Variants in RNF2 observed in about 807,000 individuals in gnomAD.
RNF2 encodes the protein ring finger protein 2.
In RNF2, 6 loss-of-function variants were observed where a neutral mutation model predicts 37.2. The ratio of observed to expected loss-of-function variants is 0.16; its 90% CI spans 0.09 to 0.32. The LOEUF (loss-of-function observed/expected upper bound fraction) is 0.32. Among genes scored for constraint, RNF2 ranks in the 10% least tolerant of loss-of-function variants. The pLI is 1.00. For missense variants in RNF2, 251 were observed against 404.0 expected (o/e 0.62, Z 3.25); for synonymous variants, 133 against 132.7 (o/e 1.00, Z -0.02).
At chr1:185,092,427 G>A (rs900294053) in intron 3 of RNF2, among the ~76,000 whole-genome samples, 2 of 151,890 alleles carry the variant, frequency 1.3e-5, no homozygotes, top group Admixed American at 6.6e-5. Context: ...CACCCGCCTC[G>A]GCCTCCCAAA....
rs114477763 is a variant in RNF2, at chr1:185,088,703, A to C, written c.87+1063A>C. Among the ~76,000 whole-genome samples, 599 of 152,368 alleles carry C rather than the reference A, an allele frequency of 3.9e-3. 4 individuals are homozygous for C. The highest frequency in any genetic ancestry group is 0.013 in the African/African-American group (559 of 41,586). The stretch of plus-strand genomic sequence containing the variant: ...GCCCTCCACATACATGGGGTTCTGC[A>C]TCTGTGGATTCAAGCAACCACAACT... On this transcript the variant is annotated intron_variant, in intron 2 of 6. Transcript: ENST00000367510.
At chr1:185,062,373 T>C (rs909780867) in intron 1 of RNF2, among the ~76,000 whole-genome samples, 2 of 152,150 alleles carry the variant, frequency 1.3e-5, no homozygotes, top group African/African-American at 4.8e-5. Flanking sequence ...ATAAAATATA[T>C]GTGTATATAT....
intron 1 of RNF2, among the ~76,000 whole-genome samples, chr1:185,082,250 T>A (rs938731593): frequency 6.6e-6 from 1 of 151,978 alleles, no homozygotes; most frequent in Non-Finnish European, 1.5e-5. Flanking sequence ...TATAAGAGGA[T>A]CAGCTTCTAT....
intron 1 of RNF2, among the ~76,000 whole-genome samples, chr1:185,078,764 G>A (rs538541850): frequency 5.3e-5 from 8 of 151,424 alleles, no homozygotes; most frequent in Admixed American, 3.9e-4. Flanking sequence ...AGAAAAATTC[G>A]CCAGGCGTAG....
At chr1:185,078,292 C>G (rs1651235945) in intron 1 of RNF2, among the ~76,000 whole-genome samples, 1 of 152,130 alleles carries the variant, frequency 6.6e-6, no homozygotes, top group South Asian at 2.1e-4. Flanking sequence ...CTCTTCAACC[C>G]ATTCTAACAT....
chr1:185,058,315 G>C lies in RNF2; in HGVS notation c.-3+12666G>C, dbSNP rs115593466. Among the ~76,000 whole-genome samples the C allele has an allele frequency of 8.2e-3, 1,252 of 152,236 alleles. 17 individuals are homozygous for C. Among genetic ancestry groups the C allele is most frequent in the African/African-American group, 0.028 (1,173 of 41,518 alleles). On this transcript the variant is annotated intron_variant, in intron 1 of 6. Coordinates refer to ENST00000367510, the MANE Select transcript of RNF2 (RefSeq NM_007212.4). ...TGAATATCTGTGGCTTTTGGTGTCT[G>C]TGGTGTGCGGGGTATCTTCAGAACC...
chr1:185,098,358 T>G lies in RNF2; in HGVS notation c.737+14T>G. 1 of 1,609,386 alleles carries G rather than the reference T, an allele frequency of 6.2e-7. No homozygotes were observed. The highest frequency in any genetic ancestry group is 8.5e-7 in the Non-Finnish European group (1 of 1,176,550). Reference sequence around the variant, plus strand: ...TGCACAGACGAGGTAAGTGTGTGGATTAGTTTCAGATTATCTAAATTCAGA... The same window carrying G: ...TGCACAGACGAGGTAAGTGTGTGGAGTAGTTTCAGATTATCTAAATTCAGA... On this transcript the variant is annotated intron_variant, in intron 5 of 6. Coordinates refer to ENST00000367510, the MANE Select transcript of RNF2 (RefSeq NM_007212.4).
At chr1:185,078,108 G>A (rs372369646) in intron 1 of RNF2, among the ~76,000 whole-genome samples, 121 of 152,288 alleles carry the variant, frequency 7.9e-4, no homozygotes, top group African/African-American at 2.9e-3. Context: ...TTAGCCAGGT[G>A]TAGTGGTGTG....
chr1:185,085,977 A>G (rs1405045430), intron 1 of RNF2, among the ~76,000 whole-genome samples: 1 of 152,136 alleles, frequency 6.6e-6, no homozygotes, highest in Non-Finnish European at 1.5e-5. Flanking sequence ...AGTATCTTCC[A>G]ATCACAAGCA....
In RNF2 at chr1:185,054,692, A is replaced by T. The variant is rs559035960; in HGVS notation, c.-3+9043A>T. Reference sequence around the variant, plus strand: ...TTTAATCTTTCTTTGTGGGTTTTTTAAAATTTTTTATTATTTTTTTCAGTT... The same window carrying T: ...TTTAATCTTTCTTTGTGGGTTTTTTTAAATTTTTTATTATTTTTTTCAGTT... On this transcript the variant is annotated intron_variant, in intron 1 of 6. Coordinates refer to ENST00000367510, the MANE Select transcript of RNF2 (RefSeq NM_007212.4). Among the ~76,000 whole-genome samples, 4 of 151,888 alleles carry T rather than the reference A, an allele frequency of 2.6e-5. No individual in the cohort carries two copies. The East Asian group carries it at 7.8e-4, about 29-fold the overall frequency.
intron 1 of RNF2, among the ~76,000 whole-genome samples, chr1:185,082,345 C>CTTTTTTTTTTTTTTTTTTGTTTTTTTTTT (rs1651444953): frequency 1.4e-5 from 1 of 72,000 alleles, no homozygotes; most frequent in Non-Finnish European, 2.9e-5. Context: ...CTCTGCAGAA[C>CTTTTTTTTTTTTTTTTTTGTTTTTTTTTT]TTTTTTTTTT....
chr1:185,076,276 T>G (rs1228809077), intron 1 of RNF2, among the ~76,000 whole-genome samples: 10 of 34,006 alleles, frequency 2.9e-4, no homozygotes, highest in African/African-American at 1.3e-3. Flanking sequence ...TTGTTTTTTT[T>G]TTTTTTTTTT....
chr1:185,064,829 T>C (rs1455904741), intron 1 of RNF2, among the ~76,000 whole-genome samples: 2 of 152,152 alleles, frequency 1.3e-5, no homozygotes, highest in Non-Finnish European at 2.9e-5. Context: ...CATTATTATT[T>C]TATGTTGTTG....
At chr1:185,082,871 AC>A (rs1651470555) in intron 1 of RNF2, among the ~76,000 whole-genome samples, 1 of 152,238 alleles carries the variant, frequency 6.6e-6, no homozygotes, top group South Asian at 2.1e-4. Context: ...TAGCAAAAAA[AC>A]ATAAAGTGAG....
At chr1:185,060,006 A>G (rs866309268) in intron 1 of RNF2, among the ~76,000 whole-genome samples, 1 of 152,334 alleles carries the variant, frequency 6.6e-6, no homozygotes, top group Middle Eastern at 3.4e-3. Flanking sequence ...CATTGACACA[A>G]GGGAATGTTA....
intron 1 of RNF2, among the ~76,000 whole-genome samples, chr1:185,079,874 G>A (rs1651293003): frequency 1.3e-5 from 2 of 151,984 alleles, no homozygotes; most frequent in South Asian, 4.1e-4. Flanking sequence ...AGGTTGCAGT[G>A]AGCTGAGATC....
chr1:185,068,885 C>G (rs1038180844), intron 1 of RNF2, among the ~76,000 whole-genome samples: 2 of 152,172 alleles, frequency 1.3e-5, no homozygotes, highest in African/African-American at 4.8e-5. Flanking sequence ...TTCAGATACT[C>G]TGTATAGACC....
chr1:185,077,625 G>GGTTTTTTTTTTTTTTTTTTT (rs1553241127), intron 1 of RNF2, among the ~76,000 whole-genome samples: 1 of 115,696 alleles, frequency 8.6e-6, no homozygotes, highest in African/African-American at 3.3e-5. Context: ...AATTAACTTT[G>GGTTTTTTTTTTTTTTTTTTT]TTTTTTTTTT....
intron 1 of RNF2, among the ~76,000 whole-genome samples, chr1:185,051,337 A>G (rs530451694): frequency 6.6e-6 from 1 of 152,260 alleles, no homozygotes; most frequent in African/African-American, 2.4e-5. Flanking sequence ...TGAATGCAGG[A>G]GACTTGGTTT....
Sources: allele counts gnomAD v4.1 joint callset (sites outside exome capture counted in the v4.1 genomes callset), GRCh38; gene constraint gnomAD v4.1.1; transcripts MANE v1.5; gene names NCBI Gene and HGNC (gene_info 2026-07-23, HGNC 2026-07-21).